JMJD1C: variants seen among roughly 807,000 people sequenced by gnomAD.
JMJD1C encodes jumonji domain-containing protein 1C.
In JMJD1C, 31 loss-of-function variants were observed where a neutral mutation model predicts 245.3. That is an observed-to-expected ratio of 0.13 (90% CI 0.09 to 0.17). JMJD1C has a LOEUF of 0.17. Ranked by LOEUF, JMJD1C falls within the 10% of genes least tolerant of loss-of-function variation. JMJD1C has a pLI of 1.00. For synonymous variants in JMJD1C, 1,057 were observed against 1,017.4 expected (o/e 1.04, Z -0.74); for missense variants, 2,691 against 3,000.2 (o/e 0.90, Z 2.41).
rs1044978069 is a variant in JMJD1C, at chr10:63,311,289, G to A, written c.334-46525C>T. Among the ~76,000 whole-genome samples the A allele has an allele frequency of 3.3e-5, 5 of 152,072 alleles. No individual in the cohort carries two copies. The East Asian group carries it at 5.8e-4, about 18-fold the overall frequency. ...AGCTACTCGGGAGACTGAGGCAGGA[G>A]AATCACTTGAATCCAAGAAGTGGAG... On this transcript the variant is annotated intron_variant, in intron 2 of 25. Coordinates refer to ENST00000399262, the MANE Select transcript of JMJD1C (RefSeq NM_032776.3).
At chr10:63,204,134 T>G (rs1363367343) in intron 10 of JMJD1C, 2 of 974,218 alleles carry the variant, frequency 2.1e-6, no homozygotes, top group Non-Finnish European at 2.4e-6. Flanking sequence ...TAAAAAATAT[T>G]TAAGAAAAAA....
At chr10:63,422,426 G>C (rs1345982019) in intron 1 of JMJD1C, among the ~76,000 whole-genome samples, 1 of 152,008 alleles carries the variant, frequency 6.6e-6, no homozygotes, top group African/African-American at 2.4e-5. Context: ...ATAAAAAAAA[G>C]AACACTTGCC....
intron 13 of JMJD1C, among the ~76,000 whole-genome samples, chr10:63,197,070 A>G (rs1345191662): frequency 6.6e-6 from 1 of 152,072 alleles, no homozygotes; most frequent in Non-Finnish European, 1.5e-5. Flanking sequence ...TGGCCTCCCA[A>G]AGTGCTGAGA....
intron 3 of JMJD1C, chr10:63,222,853 T>C (rs1253332849): frequency 1.4e-6 from 2 of 1,445,654 alleles, no homozygotes; most frequent in African/African-American, 2.8e-5. Context: ...GTACACATGC[T>C]GGATCAAAAT....
At position 63,168,147 on chromosome 10, in the gene JMJD1C, T is replaced by G. The variant is rs1041993117; in HGVS notation, c.7534-13A>C. ...AAATATTTTTAACCTGAAAGAGATG[T>G]TGATATTTCTAATCACTTCAGTTCG... On this transcript the variant is annotated splice_polypyrimidine_tract_variant and intron_variant, in intron 25 of 25. Transcript: ENST00000399262. The G allele has an allele frequency of 6.5e-7, 1 of 1,531,782 alleles. No homozygotes were observed. The highest frequency in any genetic ancestry group is 9.0e-7 in the Non-Finnish European group (1 of 1,107,238). 94.9% of individuals were successfully genotyped at this position (1,531,782 alleles called of 1,614,324 possible). A position where few individuals can be genotyped will look rare whatever the true frequency, so the allele number is the denominator to read the frequency against.
At chr10:63,448,520 T>C (rs181386373) in intron 1 of JMJD1C, among the ~76,000 whole-genome samples, 136 of 152,322 alleles carry the variant, frequency 8.9e-4, no homozygotes, top group Middle Eastern at 3.4e-3. Context: ...CATTTGTTGT[T>C]TGAAGTGGAT....
intron 1 of JMJD1C, among the ~76,000 whole-genome samples, chr10:63,411,234 G>T (rs1254999504): frequency 6.6e-6 from 1 of 151,992 alleles, no homozygotes; most frequent in Admixed American, 6.6e-5. Flanking sequence ...GAGGTACCAG[G>T]TTAACTACAG....
At chr10:63,367,622 A>C (rs1455464573) in intron 2 of JMJD1C, among the ~76,000 whole-genome samples, 1 of 152,208 alleles carries the variant, frequency 6.6e-6, no homozygotes, top group African/African-American at 2.4e-5. Flanking sequence ...AACTTGCCTA[A>C]GCCAATGCTT....
At chr10:63,463,272 C>A (rs1215604134) in intron 1 of JMJD1C, among the ~76,000 whole-genome samples, 1 of 151,452 alleles carries the variant, frequency 6.6e-6, no homozygotes, top group Non-Finnish European at 1.5e-5. Context: ...CTCAGGTGAT[C>A]CTCCCACCTC....
intron 3 of JMJD1C, among the ~76,000 whole-genome samples, chr10:63,260,776 A>G (rs1854612579): frequency 6.6e-6 from 1 of 151,634 alleles, no homozygotes; most frequent in South Asian, 2.1e-4. Flanking sequence ...TATTTTTAGT[A>G]GAGACTGCAT....
At chr10:63,237,965 T>TA (rs941095960) in intron 3 of JMJD1C, among the ~76,000 whole-genome samples, 7 of 128,000 alleles carry the variant, frequency 5.5e-5, no homozygotes, top group African/African-American at 1.2e-4. Flanking sequence ...GGTCAAAACT[T>TA]AGAGACCAGC....
At chr10:63,199,992 C>CAGTT (rs1318329544) in intron 11 of JMJD1C, among the ~76,000 whole-genome samples, 4 of 152,264 alleles carry the variant, frequency 2.6e-5, no homozygotes, top group Admixed American at 1.3e-4. Flanking sequence ...TGTCCTACCA[C>CAGTT]AGTTAATAAA....
intron 2 of JMJD1C, among the ~76,000 whole-genome samples, chr10:63,329,224 G>T (rs904958865): frequency 6.6e-6 from 1 of 151,406 alleles, no homozygotes; most frequent in Non-Finnish European, 1.5e-5. Context: ...TGAAACTGTA[G>T]TAAGCCATGA....
rs35007475 is a variant in JMJD1C at position 63,394,187 on chromosome 10, C to CAAA, written c.169-13708_169-13706dup. Among the ~76,000 whole-genome samples the CAAA allele has an allele frequency of 2.4e-3, 193 of 80,040 alleles. 6 individuals carry two copies. Among genetic ancestry groups the CAAA allele is most frequent in the South Asian group, 5.8e-3 (14 of 2,406 alleles). 52.5% of individuals were successfully genotyped at this position (80,040 alleles called of 152,430 possible). ...GGGAGACTGAGTGAGACTCCGTCTC[C>CAAA]AAAAAAAAAAAAAAAAGGCTACAAT... On this transcript the variant is annotated intron_variant, in intron 1 of 25. Transcript: ENST00000399262.
At position 63,195,919 on chromosome 10, in the gene JMJD1C, ACT is replaced by A. The variant is rs145020350; in HGVS notation, c.5644+1490_5644+1491del. ...ACTCCAGCCTGGGCAACAGAGTGAG[ACT>A]CTGTCTCAAAAAAAGAAAAAAGAAT... On this transcript the variant is annotated intron_variant, in intron 13 of 25. Coordinates refer to ENST00000399262, the MANE Select transcript of JMJD1C (RefSeq NM_032776.3). Among the ~76,000 whole-genome samples the A allele has an allele frequency of 2.6e-3, 398 of 151,778 alleles. 3 individuals carry two copies. The highest frequency in any genetic ancestry group is 9.0e-3 in the African/African-American group (370 of 41,338).
chr10:63,387,629 A>ATCTTTTTTTTTTTTTT (rs1947720390), intron 1 of JMJD1C, among the ~76,000 whole-genome samples: 1 of 37,840 alleles, frequency 2.6e-5, no homozygotes, highest in African/African-American at 1.2e-4. Context: ...GAAAAAAAAA[A>ATCTTTTTTTTTTTTTT]TTTTTTTTTT....
At position 63,214,203 on chromosome 10, in the gene JMJD1C, G is replaced by T. The variant is rs1847695076; in HGVS notation, c.1964C>A (p.Ser655Tyr). The part of the protein sequence containing the change: ...VKPKITHSPD[S>Y]VKSKATYVNS... ...CACATAAGTGGCCTTAGACTTTACAGAATCAGGAGAATGAGTTATTTTGGG... is the reference window on the plus strand; with the variant it reads ...CACATAAGTGGCCTTAGACTTTACATAATCAGGAGAATGAGTTATTTTGGG... Residue 655 changes from serine to tyrosine, a missense_variant, in exon 8 of 26, where the codon TCT (serine) becomes TAT (tyrosine). By Grantham distance (144) the Ser-to-Tyr change is moderately radical. This residue lies in a region of JMJD1C where 1,562 missense variants were observed against 1,490.7 expected (regional missense o/e 1.05). Coordinates refer to ENST00000399262, the MANE Select transcript of JMJD1C (RefSeq NM_032776.3). 1 of 1,614,000 alleles carries T rather than the reference G, an allele frequency of 6.2e-7. No homozygotes were observed. Among genetic ancestry groups the T allele is most frequent in the South Asian group, 1.1e-5 (1 of 91,084 alleles).
intron 1 of JMJD1C, among the ~76,000 whole-genome samples, chr10:63,498,358 T>C (rs571782767): frequency 6.6e-6 from 1 of 152,302 alleles, no homozygotes; most frequent in East Asian, 1.9e-4. Context: ...CTTTACATAT[T>C]TGAAAACAAT....
rs190851539 is a variant in JMJD1C at position 63,445,994 on chromosome 10, G to T, written c.168+19501C>A. On this transcript the variant is annotated intron_variant, in intron 1 of 25. Coordinates refer to ENST00000399262, the MANE Select transcript of JMJD1C (RefSeq NM_032776.3). ...AGGCTCAGGCGATTCTCCCACCTCA[G>T]CCTCCCAAGTAGCTGGGTCTACAGG... 2.3e-4 allele frequency among the ~76,000 whole-genome samples: 33 copies of T among 146,122 alleles called. No individual in the cohort carries two copies. In the East Asian group the frequency reaches 6.1e-3, roughly 27 times the overall value.
Sources: allele counts gnomAD v4.1 joint callset (sites outside exome capture counted in the v4.1 genomes callset), GRCh38; gene constraint gnomAD v4.1.1; regional missense constraint gnomAD v4.1.1; transcripts MANE v1.5; gene names NCBI Gene and HGNC (gene_info 2026-07-23, HGNC 2026-07-21).